Variants in PDZD2 observed in about 807,000 individuals in gnomAD.
PDZD2 encodes the protein PDZ domain containing 2.
A neutral mutation model predicts 220.7 loss-of-function variants in PDZD2; 90 were observed. The ratio of observed to expected loss-of-function variants is 0.41; its 90% CI spans 0.34 to 0.49. PDZD2 has a LOEUF of 0.49. PDZD2 is among the 20% of genes least tolerant of loss of function. The pLI, the probability that PDZD2 is intolerant of heterozygous loss-of-function variation, is 0.28. For synonymous variants in PDZD2, 1,375 were observed against 1,450.5 expected (o/e 0.95, Z 1.18); for missense variants, 3,174 against 3,608.5 (o/e 0.88, Z 3.08).
At chr5:31,857,154 A>G (rs933735179) in intron 2 of PDZD2, among the ~76,000 whole-genome samples, 1 of 151,982 alleles carries the variant, frequency 6.6e-6, no homozygotes, top group African/African-American at 2.4e-5. Context: ...CTCAGCCTCA[A>G]CTTCCACTTC....
chr5:31,706,462 G>A (rs1370171731), intron 1 of PDZD2, among the ~76,000 whole-genome samples: 1 of 152,072 alleles, frequency 6.6e-6, no homozygotes, highest in African/African-American at 2.4e-5. Context: ...AGTTCAGCAG[G>A]TAGGCATGTG....
At chr5:31,810,627 T>C (rs1233883521) in intron 2 of PDZD2, among the ~76,000 whole-genome samples, 2 of 152,150 alleles carry the variant, frequency 1.3e-5, no homozygotes, top group Non-Finnish European at 2.9e-5. Flanking sequence ...CCTTTCTTAG[T>C]TACTGTGGAA....
intron 1 of PDZD2, among the ~76,000 whole-genome samples, chr5:31,693,421 T>C (rs929106675): frequency 5.3e-5 from 8 of 152,016 alleles, no homozygotes; most frequent in Non-Finnish European, 1.0e-4. Context: ...TCTGTATTTT[T>C]AGTAAAGACG....
At chr5:31,824,537 G>A (rs1355092624) in intron 2 of PDZD2, among the ~76,000 whole-genome samples, 2 of 152,106 alleles carry the variant, frequency 1.3e-5, no homozygotes, top group Admixed American at 6.6e-5. Context: ...AGGAAGGTGG[G>A]GTGAGTGTTT....
Position 31,849,061 on chromosome 5 carries a change from T to C in PDZD2, c.476+49337T>C, listed in dbSNP as rs191490820. Among the ~76,000 whole-genome samples, 26 of 152,238 alleles carry C rather than the reference T, an allele frequency of 1.7e-4. No homozygotes were observed. In the East Asian group the frequency reaches 4.1e-3, roughly 24 times the overall value. ...GAGACTCCATCTCAGAAAATGAACT[T>C]GGTCCTTCCTTTCCTCTGTTTTGCT... is the stretch of plus-strand genomic sequence containing the variant. On this transcript the variant is annotated intron_variant, in intron 2 of 24. Transcript: ENST00000438447.
At position 31,798,373 on chromosome 5, in the gene PDZD2, G is replaced by A. The variant is rs74736970; in HGVS notation, c.-360-516G>A. On this transcript the variant is annotated intron_variant, in intron 1 of 24. Transcript: ENST00000438447. ...TTTAGGAATGGTGTTGCCCTGGGAC[G>A]GAGGCGGGATCTCTCCATGGTGTTG... is the stretch of plus-strand genomic sequence containing the variant. Among the ~76,000 whole-genome samples, 138 of 152,326 alleles carry A rather than the reference G, an allele frequency of 9.1e-4. 2 individuals are homozygous for A. The East Asian group carries it at 0.019, about 21-fold the overall frequency.
At chr5:31,843,080 C>T (rs1286152060) in intron 2 of PDZD2, among the ~76,000 whole-genome samples, 1 of 151,932 alleles carries the variant, frequency 6.6e-6, no homozygotes, top group African/African-American at 2.4e-5. Context: ...AGGGTTTCAC[C>T]ACGTTGGTCA....
chr5:32,087,575 C>A lies in PDZD2; in HGVS notation c.4127C>A (p.Pro1376His). Reference protein sequence around the residue: ...GIHAPESSQEPSLLEGADSVS... With the variant: ...GIHAPESSQEHSLLEGADSVS... The stretch of plus-strand genomic sequence containing the variant: ...CATGCACCTGAAAGCTCCCAGGAGC[C>A]TTCCCTGCTGGAGGGAGCAGATTCT... The change falls in exon 20 of 25, where the codon CCT becomes CAT. Residue 1376 changes from proline to histidine, a missense_variant. This residue lies in a region of PDZD2 where 1,861 missense variants were observed against 2,001.0 expected (regional missense o/e 0.93). Transcript: ENST00000438447. The surrounding 1 kb of genome is among the most constrained non-coding windows in gnomAD (Gnocchi z 4.0). 6.2e-7 allele frequency: 1 copy of A among 1,613,794 alleles called. No homozygotes were observed. The highest frequency in any genetic ancestry group is 8.5e-7 in the Non-Finnish European group (1 of 1,179,712).
chr5:31,876,265 A>G (rs1305321944), intron 2 of PDZD2, among the ~76,000 whole-genome samples: 2 of 149,380 alleles, frequency 1.3e-5, no homozygotes, highest in African/African-American at 2.5e-5. Flanking sequence ...GTGTAAAGGA[A>G]TGCGCTTGAT....
chr5:32,048,816 G>A, intron 8 of PDZD2, 132 bp downstream of exon 8: 2 of 862,962 alleles, frequency 2.3e-6, no homozygotes, highest in South Asian at 1.7e-5. Context: ...GCAAAGTGAG[G>A]TCTACCCAGA....
At chr5:31,715,202 C>T (rs180929034) in intron 1 of PDZD2, among the ~76,000 whole-genome samples, 38 of 152,174 alleles carry the variant, frequency 2.5e-4, no homozygotes, top group East Asian at 7.7e-4. Context: ...TGTTCCTCTC[C>T]GGTCTCTGGT....
At chr5:32,036,790 T>A (rs1179216556) in intron 6 of PDZD2, among the ~76,000 whole-genome samples, 1 of 152,242 alleles carries the variant, frequency 6.6e-6, no homozygotes, top group Non-Finnish European at 1.5e-5. Flanking sequence ...ATTTCTGGTT[T>A]AATATTTGTT....
intron 6 of PDZD2, among the ~76,000 whole-genome samples, chr5:32,015,913 G>A (rs1164797080): frequency 6.6e-6 from 1 of 152,164 alleles, no homozygotes; most frequent in Non-Finnish European, 1.5e-5. Context: ...AGCTCAGCTC[G>A]GAAGAGTTTG....
chr5:31,755,848 A>G lies in PDZD2; in HGVS notation c.-360-43041A>G, dbSNP rs551517388. On this transcript the variant is annotated intron_variant, in intron 1 of 24. Transcript: ENST00000438447. ...TCATGAGTGGGCAGGAGAGAGGAGG[A>G]GCGGGGCCAAGCAGCGGAGTAAAAG... Among the ~76,000 whole-genome samples the G allele has an allele frequency of 2.2e-4, 33 of 152,182 alleles. 1 individual carries two copies. In the South Asian group the frequency reaches 6.0e-3, roughly 28 times the overall value.
At chr5:31,807,231 C>T (rs1186007986) in intron 2 of PDZD2, among the ~76,000 whole-genome samples, 5 of 152,138 alleles carry the variant, frequency 3.3e-5, no homozygotes, top group Admixed American at 1.3e-4. Context: ...CCACTGCACC[C>T]GGCCATCTTT....
At position 32,072,293 on chromosome 5, in the gene PDZD2, G is replaced by A. The variant is rs1561505498; in HGVS notation, c.2701G>A (p.Gly901Ser). The change falls in exon 17 of 25, where the codon GGC becomes AGC. Residue 901 changes from glycine (G) to serine (S), a missense_variant. Transcript: ENST00000438447. ...AAGTGGCTGCAGCACGTCGGAGGAG[G>A]GCAGCCTGCCTCCCAGCACCTCCAG... ...PGSGCSTSEEGSLPPSTSTHK... is the reference protein window; with the variant it reads ...PGSGCSTSEESSLPPSTSTHK... 6.2e-7 allele frequency: 1 copy of A among 1,613,600 alleles called. No individual in the cohort carries two copies. The highest frequency in any genetic ancestry group is 1.1e-5 in the South Asian group (1 of 90,996).
intron 6 of PDZD2, among the ~76,000 whole-genome samples, chr5:32,034,484 G>C (rs1755375615): frequency 6.6e-6 from 1 of 151,422 alleles, no homozygotes; most frequent in African/African-American, 2.4e-5. Flanking sequence ...TTAGCCTTCA[G>C]AGTAGCTGGG....
intron 1 of PDZD2, among the ~76,000 whole-genome samples, chr5:31,736,961 C>CGAGTAAAAGCTT (rs1460123192): frequency 1.6e-5 from 1 of 62,474 alleles, no homozygotes; most frequent in East Asian, 2.4e-3. Flanking sequence ...TCGCCTTCCA[C>CGAGTAAAAGCTT]CATGAGGCCT....
intron 6 of PDZD2, among the ~76,000 whole-genome samples, chr5:32,020,557 ATCTTAC>A (rs1484862413): frequency 9.9e-5 from 15 of 152,266 alleles, no homozygotes; most frequent in East Asian, 7.7e-4. Flanking sequence ...CACTGTCAGA[ATCTTAC>A]TCTTAAGAGG....
Sources: allele counts gnomAD v4.1 joint callset (sites outside exome capture counted in the v4.1 genomes callset), GRCh38; gene constraint gnomAD v4.1.1; regional missense constraint gnomAD v4.1.1; non-coding constraint Gnocchi (gnomAD v3.1); transcripts MANE v1.5; gene names NCBI Gene and HGNC (gene_info 2026-07-23, HGNC 2026-07-21).